The following SLC39A11 variants were observed in gnomAD, a reference collection of about 807,000 sequenced individuals.
SLC39A11 encodes solute carrier family 39 member 11.
SLC39A11 carries 33 observed loss-of-function variants against 36.1 expected under a neutral mutation model. The ratio of observed to expected loss-of-function variants is 0.91; its 90% confidence interval spans 0.69 to 1.22. SLC39A11 has a LOEUF of 1.22. SLC39A11 is among the 50% of genes most tolerant of loss of function. The pLI is 0.00. For synonymous variants in SLC39A11, 166 were observed against 170.3 expected (o/e 0.97, Z 0.20); for missense variants, 432 against 430.3 (o/e 1.00, Z -0.03).
chr17:73,039,800 G>T (rs1486198933), intron 3 of SLC39A11, among the ~76,000 whole-genome samples: 2 of 152,146 alleles, frequency 1.3e-5, no homozygotes, highest in Non-Finnish European at 2.9e-5. Flanking sequence ...GGGGACTTTA[G>T]GAGACCATTT....
rs1429685637 is a variant in SLC39A11, at chr17:72,900,167, AAGAAAG to A, written c.430+47579_430+47584del. 5.6e-5 allele frequency among the ~76,000 whole-genome samples: 7 copies of A among 124,754 alleles called. 1 individual carries two copies. The highest frequency in any genetic ancestry group is 1.1e-4 in the Non-Finnish European group (6 of 57,096). The allele number at this position is 124,754 out of a possible 152,430, so 81.8% of individuals were successfully genotyped here. ...AAGAAAGAAAGAAAAGAAAGAAAGA[AAGAAAG>A]AAAGAAAGAAAGAAAGAAAGAAAGA... On this transcript the variant is annotated intron_variant, in intron 5 of 9. Coordinates refer to ENST00000255559, the MANE Select transcript of SLC39A11 (RefSeq NM_139177.4).
chr17:73,043,025 G>A (rs1010324232), intron 3 of SLC39A11, among the ~76,000 whole-genome samples: 3 of 149,042 alleles, frequency 2.0e-5, no homozygotes, highest in Non-Finnish European at 4.5e-5. Context: ...CCAGGAGCTG[G>A]CTCTGGACTA....
At chr17:72,656,314 A>C (rs1294547560) in intron 7 of SLC39A11, among the ~76,000 whole-genome samples, 1 of 152,124 alleles carries the variant, frequency 6.6e-6, no homozygotes, top group Non-Finnish European at 1.5e-5. Context: ...AGGGAAGTGG[A>C]GATGAAGGGC....
At chr17:72,961,249 G>A (rs551734244) in intron 4 of SLC39A11, among the ~76,000 whole-genome samples, 1 of 152,272 alleles carries the variant, frequency 6.6e-6, no homozygotes, top group South Asian at 2.1e-4. Context: ...CAAAGATGCT[G>A]GAGAGGACGT....
chr17:72,965,248 T>C (rs1374676672), intron 4 of SLC39A11, among the ~76,000 whole-genome samples: 1 of 150,960 alleles, frequency 6.6e-6, no homozygotes, highest in Non-Finnish European at 1.5e-5. Flanking sequence ...TAAAGTATAA[T>C]TTAAAAAAAA....
chr17:72,730,163 G>A (rs2074157614), intron 7 of SLC39A11, among the ~76,000 whole-genome samples: 3 of 152,084 alleles, frequency 2.0e-5, no homozygotes, highest in Admixed American at 2.0e-4. Context: ...TCATCTACAA[G>A]TATCAGACAG....
chr17:72,958,937 A>G (rs2086422334), intron 4 of SLC39A11, among the ~76,000 whole-genome samples: 1 of 152,090 alleles, frequency 6.6e-6, no homozygotes, highest in African/African-American at 2.4e-5. Context: ...ACCAATGATC[A>G]GGGAAATGCA....
chr17:72,754,039 TATATATACACATACAC>T lies in SLC39A11; in HGVS notation c.602-17336_602-17321del, dbSNP rs1156609300. On this transcript the variant is annotated intron_variant, in intron 6 of 9. Transcript: ENST00000255559. ...ATATATGTATATATATATATATATA[TATATATACACATACAC>T]ACACACACACACACACACACACACA... is the stretch of plus-strand genomic sequence containing the variant. 3.2e-3 allele frequency among the ~76,000 whole-genome samples: 346 copies of T among 109,728 alleles called. 5 individuals carry two copies. The highest frequency in any genetic ancestry group is 5.2e-3 in the African/African-American group (135 of 26,120). 72.0% of individuals were successfully genotyped at this position (109,728 alleles called of 152,430 possible). A position where few individuals can be genotyped will look rare whatever the true frequency, so the allele number is the denominator to read the frequency against.
In SLC39A11 at chr17:72,854,315, G is replaced by T. The variant is rs1032171359; in HGVS notation, c.431-4511C>A. On this transcript the variant is annotated intron_variant, in intron 5 of 9. Coordinates refer to ENST00000255559, the MANE Select transcript of SLC39A11 (RefSeq NM_139177.4). Reference sequence around the variant, plus strand: ...CATGGTTGACTGGGGATGAAGTGGGGGGTGGGGTGGGGGTGGAGAAAAGGC... The same window carrying T: ...CATGGTTGACTGGGGATGAAGTGGGTGGTGGGGTGGGGGTGGAGAAAAGGC... Among the ~76,000 whole-genome samples the T allele has an allele frequency of 2.0e-5, 3 of 151,898 alleles. No homozygotes were observed. In the East Asian group the frequency reaches 5.8e-4, roughly 30 times the overall value.
intron 5 of SLC39A11, among the ~76,000 whole-genome samples, chr17:72,933,850 C>T (rs1180018029): frequency 1.3e-5 from 2 of 152,070 alleles, no homozygotes; most frequent in Non-Finnish European, 2.9e-5. Context: ...TATTGGCAAG[C>T]TGATTCTAAA....
intron 4 of SLC39A11, among the ~76,000 whole-genome samples, chr17:72,978,258 C>T (rs1279298977): frequency 6.6e-6 from 1 of 152,156 alleles, no homozygotes; most frequent in Non-Finnish European, 1.5e-5. Flanking sequence ...TGCTCCCTCC[C>T]TCCCTTCATC....
intron 7 of SLC39A11, among the ~76,000 whole-genome samples, chr17:72,650,153 C>T (rs1303368799): frequency 6.6e-6 from 1 of 152,224 alleles, no homozygotes; most frequent in Non-Finnish European, 1.5e-5. Flanking sequence ...TCTCCGTGGG[C>T]TCTGCAGGTC....
At chr17:72,851,755 A>T (rs533382336) in intron 5 of SLC39A11, among the ~76,000 whole-genome samples, 16 of 152,354 alleles carry the variant, frequency 1.1e-4, no homozygotes, top group African/African-American at 3.8e-4. Context: ...CCTAACTGTA[A>T]CCAATTAAGC....
chr17:72,897,072 C>CAAA (rs948663681), intron 5 of SLC39A11, among the ~76,000 whole-genome samples: 1 of 122,904 alleles, frequency 8.1e-6, no homozygotes, highest in African/African-American at 3.2e-5. Flanking sequence ...AAAAAAAAAA[C>CAAA]AAACAGAAAA....
chr17:72,768,248 C>T (rs905336802), intron 6 of SLC39A11, among the ~76,000 whole-genome samples: 6 of 152,234 alleles, frequency 3.9e-5, no homozygotes, highest in South Asian at 2.1e-4. Context: ...TCCAGCCTGA[C>T]GGCCTTTCAA....
intron 6 of SLC39A11, among the ~76,000 whole-genome samples, chr17:72,761,146 G>A (rs1008499529): frequency 6.6e-6 from 1 of 152,094 alleles, no homozygotes; most frequent in Admixed American, 6.6e-5. Context: ...GATGGAGTTC[G>A]CTCTGCTGCC....
intron 6 of SLC39A11, among the ~76,000 whole-genome samples, chr17:72,770,487 T>G (rs2075895568): frequency 6.6e-6 from 1 of 152,188 alleles, no homozygotes; most frequent in South Asian, 2.1e-4. Context: ...CTAATGTTCT[T>G]AGAAATCTGC....
intron 7 of SLC39A11, among the ~76,000 whole-genome samples, chr17:72,677,204 C>G (rs2071305000): frequency 1.3e-5 from 2 of 152,148 alleles, no homozygotes; most frequent in Non-Finnish European, 2.9e-5. Context: ...TGGAAGGCAG[C>G]CAGCATTCCT....
At chr17:72,751,109 G>A (rs891518270) in intron 6 of SLC39A11, among the ~76,000 whole-genome samples, 3 of 152,100 alleles carry the variant, frequency 2.0e-5, no homozygotes, top group Non-Finnish European at 4.4e-5. Flanking sequence ...TTAGACGAGC[G>A]TGGTGGTGGG....
Sources: gnomAD v4.1 joint callset for allele counts (sites outside exome capture counted in the v4.1 genomes callset) on GRCh38, gnomAD v4.1.1 for gene constraint, MANE v1.5 for transcripts, NCBI Gene and HGNC (gene_info 2026-07-23, HGNC 2026-07-21) for gene names.